The following ASMTL variants were observed in gnomAD, a reference collection of about 807,000 sequenced individuals.
The protein encoded by ASMTL is acetylserotonin O-methyltransferase like.
ASMTL carries 57 observed loss-of-function variants against 60.3 expected under a neutral mutation model. That is an observed-to-expected ratio of 0.95 (90% CI 0.76 to 1.18). The LOEUF (loss-of-function observed/expected upper bound fraction) is 1.18. Ranked by LOEUF, ASMTL falls within the 50% of genes most tolerant of loss-of-function variation. The pLI is 0.00. For synonymous variants in ASMTL, 419 were observed against 373.0 expected, an observed-to-expected ratio of 1.12 and a Z score of -1.42; for missense variants, 981 against 852.6, an observed-to-expected ratio of 1.15 and a Z score of -1.88.
At chrX:1,453,105 C>A (rs1190402501), upstream of ASMTL, among the ~76,000 whole-genome samples, 13 of 151,696 alleles carry the variant, frequency 8.6e-5, no homozygotes, top group Admixed American at 7.9e-4. Context: ...GCCCATGTCA[C>A]GCCCCATTGA....
intron 12 of ASMTL, among the ~76,000 whole-genome samples, chrX:1,407,275 AGATG>A (rs1332452982): frequency 4.3e-4 from 64 of 150,116 alleles, no homozygotes; most frequent in African/African-American, 1.4e-3. Context: ...TGCATGGATG[AGATG>A]GATGGATGGC....
intron 11 of ASMTL, among the ~76,000 whole-genome samples, chrX:1,414,447 G>A (rs2090160160): frequency 6.6e-6 from 1 of 152,082 alleles, no homozygotes; most frequent in Non-Finnish European, 1.5e-5. Context: ...GGCCGGGCGG[G>A]GTGTAATCCC....
intron 1 of ASMTL, among the ~76,000 whole-genome samples, chrX:1,451,908 C>T (rs1603452006): frequency 7.0e-6 from 1 of 143,758 alleles, no homozygotes; most frequent in African/African-American, 2.6e-5. Context: ...TCACTCCTCC[C>T]TCCCCATCCC....
intron 4 of ASMTL, chrX:1,435,364 G>A (rs1192927809): frequency 2.5e-5 from 15 of 606,714 alleles, no homozygotes; most frequent in Non-Finnish European, 4.1e-5. Flanking sequence ...TCTCTTCCAC[G>A]TCCTGGGATG....
intron 9 of ASMTL, among the ~76,000 whole-genome samples, chrX:1,419,877 C>T (rs1186862845): frequency 6.6e-6 from 1 of 152,206 alleles, no homozygotes; most frequent in Non-Finnish European, 1.5e-5. Context: ...GGGCCCCTGT[C>T]CGTGCCTCTC....
intron 4 of ASMTL, chrX:1,435,387 C>T: frequency 1.7e-6 from 1 of 605,320 alleles, no homozygotes; most frequent in South Asian, 2.0e-5. Context: ...GATGACGTCC[C>T]AGGCTACGGG....
At position 1,420,082 on chromosome X, in the gene ASMTL, C is replaced by G. The variant is rs182000706; in HGVS notation, c.1246-968G>C. Among the ~76,000 whole-genome samples, 9 of 151,798 alleles carry G rather than the reference C, an allele frequency of 5.9e-5. No homozygotes were observed. In the East Asian group the frequency reaches 1.6e-3, roughly 26 times the overall value. Reference sequence around the variant, plus strand: ...TGTTTCTGTCTCTATCTGCCTCTATCTCTGTCTCTCCAAGCCTCCCTGTCT... The same window carrying G: ...TGTTTCTGTCTCTATCTGCCTCTATGTCTGTCTCTCCAAGCCTCCCTGTCT... On this transcript the variant is annotated intron_variant, in intron 9 of 12. Transcript: ENST00000381317.
intron 6 of ASMTL, 185 bp downstream of exon 6, chrX:1,432,084 G>T: frequency 3.3e-6 from 2 of 608,660 alleles, no homozygotes; most frequent in South Asian, 2.0e-5. Flanking sequence ...TTGCCTCTTT[G>T]AGCCTCCATG....
chrX:1,446,381 G>A (rs1242723661), intron 1 of ASMTL, among the ~76,000 whole-genome samples: 1 of 152,058 alleles, frequency 6.6e-6, no homozygotes, highest in East Asian at 1.9e-4. Flanking sequence ...GTGGTCCCCC[G>A]GGCCCAGCTG....
rs2089669836 is a variant in ASMTL at position 1,403,442 on chromosome X, C to T, written c.1693G>A (p.Val565Met). 2.5e-6 allele frequency: 4 copies of T among 1,613,244 alleles called. No individual in the cohort carries two copies. The highest frequency in any genetic ancestry group is 3.4e-6 in the Non-Finnish European group (4 of 1,179,856). Reference sequence around the variant, plus strand: ...GACTGCATCAGGGCGCGCTGCGCCACCCTCTTCTCCTCATCCAGGAGCGTC... The same window carrying T: ...GACTGCATCAGGGCGCGCTGCGCCATCCTCTTCTCCTCATCCAGGAGCGTC... ...VETLLDEEKR[V>M]AQRALMQSLN... Residue 565 changes from valine (V) to methionine (M), a missense_variant, in exon 13 of 13, where the codon GTG (valine) becomes ATG (methionine). Coordinates refer to ENST00000381317, the MANE Select transcript of ASMTL (RefSeq NM_004192.4).
intron 11 of ASMTL, among the ~76,000 whole-genome samples, chrX:1,417,718 GCAGACA>G (rs2090343974): frequency 3.7e-5 from 1 of 26,684 alleles, no homozygotes; most frequent in Admixed American, 6.7e-4. Flanking sequence ...ACATGCGGAT[GCAGACA>G]CACACACACA....
chrX:1,442,801 C>T (rs1393000040), intron 1 of ASMTL, among the ~76,000 whole-genome samples: 2 of 152,076 alleles, frequency 1.3e-5, no homozygotes, highest in East Asian at 3.9e-4. Flanking sequence ...TCCCTGGTAC[C>T]CAGGAAGAGA....
At chrX:1,436,434 G>C (rs1157929037) in intron 3 of ASMTL, among the ~76,000 whole-genome samples, 4 of 150,990 alleles carry the variant, frequency 2.6e-5, no homozygotes, top group Admixed American at 2.6e-4. Context: ...CTCACTGCAA[G>C]CTCCGCCTCC....
At chrX:1,403,527 C>T in intron 12 of ASMTL, 38 bp from the exon 13 acceptor site, 1 of 1,589,730 alleles carries the variant, frequency 6.3e-7, no homozygotes. Context: ...CCTGGCCAGC[C>T]AGGCGGGGAT....
intron 6 of ASMTL, 115 bp from the exon 7 acceptor site, chrX:1,428,236 A>C: frequency 7.5e-7 from 1 of 1,329,364 alleles, no homozygotes; most frequent in South Asian, 1.4e-5. Flanking sequence ...GATCGAGGCC[A>C]TCCTGGCTAA....
chrX:1,442,653 C>T (rs763541444), intron 1 of ASMTL, among the ~76,000 whole-genome samples: 1 of 152,252 alleles, frequency 6.6e-6, no homozygotes, highest in Non-Finnish European at 1.5e-5. Flanking sequence ...CTTGAACCCA[C>T]GAGCCAACAG....
chrX:1,418,239 G>A, intron 10 of ASMTL, 123 bp from the exon 11 acceptor site: 1 of 1,196,258 alleles, frequency 8.4e-7, no homozygotes, highest in East Asian at 2.6e-5. Flanking sequence ...TGCTGGAAGG[G>A]AAAGCCAGTG....
chrX:1,451,311 C>A (rs183263314), intron 1 of ASMTL, among the ~76,000 whole-genome samples: 81 of 149,256 alleles, frequency 5.4e-4, no homozygotes, highest in South Asian at 4.9e-3. Context: ...TCTCCCCTTC[C>A]CCATCCCTAG....
intron 11 of ASMTL, 118 bp downstream of exon 11, chrX:1,417,848 ACACACAT>A: frequency 7.9e-7 from 1 of 1,265,328 alleles, no homozygotes; most frequent in Non-Finnish European, 1.1e-6. Flanking sequence ...TCCCATTTGC[ACACACAT>A]ACCCACCATG....
Sources: gnomAD v4.1 joint callset for allele counts (sites outside exome capture counted in the v4.1 genomes callset) on GRCh38, gnomAD v4.1.1 for gene constraint, MANE v1.5 for transcripts, NCBI Gene and HGNC (gene_info 2026-07-23, HGNC 2026-07-21) for gene names.